The following PPM1H variants were observed in gnomAD, a reference collection of about 807,000 sequenced individuals.
PPM1H encodes protein phosphatase, Mg2+/Mn2+ dependent 1H, also known as protein phosphatase 1H.
PPM1H carries 27 observed loss-of-function variants against 54.9 expected under a neutral mutation model. The observed-to-expected ratio is 0.49, with a 90% CI of 0.36 to 0.68. PPM1H has a LOEUF of 0.68. Among genes scored for constraint, PPM1H ranks in the 30% least tolerant of loss-of-function variants. PPM1H has a pLI of 0.00. For missense variants in PPM1H, 596 were observed against 667.8 expected, an observed-to-expected ratio of 0.89 and a Z score of 1.19; for synonymous variants, 305 against 270.8, an observed-to-expected ratio of 1.13 and a Z score of -1.24.
intron 1 of PPM1H, among the ~76,000 whole-genome samples, chr12:62,891,823 G>A (rs749317498): frequency 6.6e-6 from 1 of 152,186 alleles, no homozygotes; most frequent in Non-Finnish European, 1.5e-5. Flanking sequence ...CTGTGAAAGC[G>A]ATCAAGAACC....
intron 2 of PPM1H, among the ~76,000 whole-genome samples, chr12:62,823,296 G>A (rs1296090668): frequency 6.6e-6 from 1 of 152,142 alleles, no homozygotes; most frequent in Non-Finnish European, 1.5e-5. Flanking sequence ...CGGATTCACA[G>A]CCAAATTCTA....
chr12:62,792,402 G>T (rs1315958926), intron 3 of PPM1H, among the ~76,000 whole-genome samples: 3 of 152,198 alleles, frequency 2.0e-5, no homozygotes, highest in African/African-American at 7.2e-5. Flanking sequence ...AATAAGGAAT[G>T]CTAAATTTGG....
chr12:62,791,086 T>A (rs146057467), intron 3 of PPM1H, among the ~76,000 whole-genome samples: 2,888 of 150,916 alleles, frequency 0.019, 89 homozygotes, highest in African/African-American at 0.068. Flanking sequence ...AATTTTAAAT[T>A]TTTTTTATCT....
intron 8 of PPM1H, among the ~76,000 whole-genome samples, chr12:62,668,472 T>C (rs1592533030): frequency 6.6e-6 from 1 of 152,174 alleles, no homozygotes; most frequent in East Asian, 1.9e-4. Flanking sequence ...GCCTCCAGGG[T>C]TCAAGCGATT....
chr12:62,821,205 G>A (rs2076901453), intron 2 of PPM1H, among the ~76,000 whole-genome samples: 2 of 152,152 alleles, frequency 1.3e-5, no homozygotes, highest in Admixed American at 1.3e-4. Flanking sequence ...AACAAAGTGA[G>A]AGGAGAAGTT....
intron 3 of PPM1H, among the ~76,000 whole-genome samples, chr12:62,792,866 A>G (rs549779402): frequency 5.3e-4 from 80 of 152,338 alleles, no homozygotes; most frequent in African/African-American, 1.9e-3. Context: ...CAGAGCAAAC[A>G]TGATATATTA....
intron 1 of PPM1H, among the ~76,000 whole-genome samples, chr12:62,887,242 T>C (rs1179828182): frequency 2.0e-5 from 3 of 152,178 alleles, no homozygotes; most frequent in Admixed American, 6.5e-5. Context: ...CAGAGTTGCA[T>C]AGAGTGTGTC....
Position 62,672,782 on chromosome 12 carries a change from G to C in PPM1H, c.1246-5453C>G, listed in dbSNP as rs564198146. ...CTTACAATGAACACCCAGGGGGTTG[G>C]TCATCTTATTGTCCCACCAAAATTC... On this transcript the variant is annotated intron_variant, in intron 8 of 9. Transcript: ENST00000228705. 5.3e-4 allele frequency among the ~76,000 whole-genome samples: 81 copies of C among 152,292 alleles called. 1 individual carries two copies. Among genetic ancestry groups the C allele is most frequent in the African/African-American group, 1.9e-3 (80 of 41,562 alleles).
chr12:62,774,256 T>G (rs1235718744), intron 4 of PPM1H, among the ~76,000 whole-genome samples: 1 of 152,194 alleles, frequency 6.6e-6, no homozygotes, highest in Non-Finnish European at 1.5e-5. Flanking sequence ...GGGACAAGAT[T>G]GTGATTAATC....
intron 1 of PPM1H, among the ~76,000 whole-genome samples, chr12:62,864,812 T>A (rs1489167652): frequency 1.3e-5 from 2 of 152,190 alleles, no homozygotes; most frequent in Non-Finnish European, 2.9e-5. Context: ...CAACTCAAGT[T>A]CCCTTAAGCT....
At chr12:62,851,754 C>T (rs1592635528) in intron 1 of PPM1H, among the ~76,000 whole-genome samples, 1 of 151,968 alleles carries the variant, frequency 6.6e-6, no homozygotes, top group East Asian at 1.9e-4. Flanking sequence ...CTGAAGGTGA[C>T]TATTATACTA....
At position 62,801,877 on chromosome 12, in the gene PPM1H, TCGGTAAAGAAG is replaced by T; in HGVS notation, c.684_694del (p.Phe229GlufsTer6). ...CAGGCACTCATGGGGAATCTTCTTC[TCGGTAAAGAAG>T]CGTGTGGGGGGCGTGCTGGGGGAGC... On this transcript the variant is annotated frameshift_variant, in exon 3 of 10. Coordinates refer to ENST00000228705, the MANE Select transcript of PPM1H (RefSeq NM_020700.2). LOFTEE classifies it high-confidence loss of function. 6.2e-7 allele frequency: 1 copy of T among 1,613,786 alleles called. No homozygotes were observed. Among genetic ancestry groups the T allele is most frequent in the Non-Finnish European group, 8.5e-7 (1 of 1,179,776 alleles).
chr12:62,882,904 AC>A lies in PPM1H; in HGVS notation c.246-50626del, dbSNP rs550761383. Among the ~76,000 whole-genome samples the A allele has an allele frequency of 6.4e-4, 94 of 146,466 alleles. 1 individual carries two copies. The East Asian group carries it at 0.014, about 22-fold the overall frequency. On this transcript the variant is annotated intron_variant, in intron 1 of 9. Transcript: ENST00000228705. ...GCAGCTGCTTCTGCTTGGTATGGCC[AC>A]CCTCCACCCCCACCGCCACTCCCCA...
intron 1 of PPM1H, among the ~76,000 whole-genome samples, chr12:62,846,515 T>A (rs1406755810): frequency 4.0e-5 from 6 of 148,540 alleles, no homozygotes; most frequent in African/African-American, 1.6e-4. Context: ...AAAAAAAATT[T>A]TTTTTTTTTT....
At chr12:62,732,351 C>T (rs1426496995) in intron 5 of PPM1H, among the ~76,000 whole-genome samples, 1 of 152,222 alleles carries the variant, frequency 6.6e-6, no homozygotes, top group Non-Finnish European at 1.5e-5. Flanking sequence ...ATCTTGTAAT[C>T]TGCTTCCAGT....
chr12:62,802,377 T>TA (rs2076776486), intron 2 of PPM1H, among the ~76,000 whole-genome samples: 1 of 152,126 alleles, frequency 6.6e-6, no homozygotes, highest in Non-Finnish European at 1.5e-5. Context: ...CCATTGTTGT[T>TA]ACTAGCACCA....
intron 6 of PPM1H, among the ~76,000 whole-genome samples, chr12:62,700,659 C>A (rs1565761150): frequency 6.6e-6 from 1 of 152,180 alleles, no homozygotes; most frequent in Admixed American, 6.6e-5. Context: ...GGCCTCTGTG[C>A]AATGATCTAG....
intron 4 of PPM1H, among the ~76,000 whole-genome samples, chr12:62,772,833 C>T (rs1401315102): frequency 1.3e-5 from 2 of 152,064 alleles, no homozygotes; most frequent in Non-Finnish European, 2.9e-5. Flanking sequence ...TAGCGGGAGG[C>T]GCCAAGAGTG....
intron 4 of PPM1H, among the ~76,000 whole-genome samples, chr12:62,767,352 A>T (rs11835042): frequency 0.18 from 27,493 of 152,046 alleles, 2,892 homozygotes; most frequent in African/African-American, 0.29. Context: ...GGGAAGGGAA[A>T]TCCTAGAGGC....
Sources: allele counts gnomAD v4.1 joint callset (sites outside exome capture counted in the v4.1 genomes callset), GRCh38; gene constraint gnomAD v4.1.1; transcripts MANE v1.5; gene names NCBI Gene and HGNC (gene_info 2026-07-23, HGNC 2026-07-21).